Variants in GNAS-AS1 observed in about 807,000 individuals in gnomAD.
GNAS-AS1 encodes the protein GNAS antisense RNA 1 (non-protein coding).
Position 58,841,655 on chromosome 20 carries a change from A to C in GNAS-AS1, n.819+282T>G. 7.2e-6 allele frequency: 8 copies of C among 1,109,210 alleles called. No individual in the cohort carries two copies. Among genetic ancestry groups the C allele is most frequent in the African/African-American group, 1.6e-5 (1 of 61,524 alleles). 68.7% of individuals were successfully genotyped at this position (1,109,210 alleles called of 1,614,324 possible). ...TGACCTCTCCCGGCGGCGGGCGGTTAGGGGAAAGTACCTGGGGGAAAGGTA... is the reference window on the plus strand; with the variant it reads ...TGACCTCTCCCGGCGGCGGGCGGTTCGGGGAAAGTACCTGGGGGAAAGGTA... On this transcript the variant is annotated intron_variant and non_coding_transcript_variant, in intron 4 of 4. Coordinates refer to ENST00000424094, the Ensembl canonical transcript of GNAS-AS1. The surrounding 1 kb of genome is among the most constrained non-coding windows in gnomAD (Gnocchi z 5.0).
At chr20:58,850,103 G>T (rs1211983669) in intron 1 of GNAS-AS1, among the ~76,000 whole-genome samples, 1 of 152,174 alleles carries the variant, frequency 6.6e-6, no homozygotes, top group African/African-American at 2.4e-5. Flanking sequence ...TCCTTTGTTC[G>T]TGGTGGGCAA....
Position 58,840,590 on chromosome 20 carries a change from C to CG in GNAS-AS1, n.819+1346dup. ...CACCTTCGGCCAGTCCCTCACCCAG[C>CG]GTCTGCACGCTCTCAAGTTGCGAAG... On this transcript the variant is annotated intron_variant and non_coding_transcript_variant, in intron 4 of 4. Transcript: ENST00000424094. This position sits in a 1 kb window ranked among gnomAD's most constrained non-coding sequence, Gnocchi z 6.0. The CG allele has an allele frequency of 6.2e-7, 1 of 1,611,020 alleles. No homozygotes were observed.
chr20:58,832,431 G>A (rs1238405127), intron 4 of GNAS-AS1, among the ~76,000 whole-genome samples: 1 of 152,046 alleles, frequency 6.6e-6, no homozygotes, highest in Non-Finnish European at 1.5e-5. Context: ...TATCACCAAG[G>A]TCATTTATAA....
chr20:58,834,816 C>T (rs548503030), intron 4 of GNAS-AS1: 3 of 152,196 alleles, frequency 2.0e-5, no homozygotes, highest in Non-Finnish European at 4.4e-5. Flanking sequence ...TCTGATCCTA[C>T]GCCCTTTAAA....
rs575933995 is a variant in GNAS-AS1 at position 58,840,433 on chromosome 20, C to T, written n.819+1504G>A. 1.9e-6 allele frequency: 3 copies of T among 1,613,354 alleles called. No homozygotes were observed. Among genetic ancestry groups the T allele is most frequent in the Admixed American group, 3.3e-5 (2 of 60,024 alleles). ...TAGAGTACGAGGAAGAGTTCGACTA[C>T]GAGACCGAGAGCGAGACCGAGTCCG... On this transcript the variant is annotated intron_variant and non_coding_transcript_variant, in intron 4 of 4. Coordinates refer to ENST00000424094, the Ensembl canonical transcript of GNAS-AS1. The surrounding 1 kb of genome is among the most constrained non-coding windows in gnomAD (Gnocchi z 6.0).
At chr20:58,839,565 C>T (rs2085646716) in intron 4 of GNAS-AS1, 2 of 403,968 alleles carry the variant, frequency 5.0e-6, no homozygotes, top group Non-Finnish European at 8.7e-6. Flanking sequence ...CCCATCGCTT[C>T]GCCCAAATCC....
chr20:58,847,575 T>C (rs1568916346), intron 2 of GNAS-AS1, among the ~76,000 whole-genome samples: 1 of 152,270 alleles, frequency 6.6e-6, no homozygotes, highest in African/African-American at 2.4e-5. Context: ...TTTCTGCTTT[T>C]ACTTTTTCCT....
At chr20:58,819,104 A>C (rs2085468480) in exon 5 of GNAS-AS1, 2 of 398,642 alleles carry the variant, frequency 5.0e-6, no homozygotes, top group East Asian at 7.1e-5. Flanking sequence ...TTGCTTATCA[A>C]ACCTTTCTTT....
intron 2 of GNAS-AS1, among the ~76,000 whole-genome samples, chr20:58,847,500 A>G (rs2145514057): frequency 6.6e-6 from 1 of 152,382 alleles, no homozygotes. Flanking sequence ...CTCAGCACTC[A>G]GAAAACATTT....
intron 4 of GNAS-AS1, among the ~76,000 whole-genome samples, chr20:58,823,785 G>A (rs531325963): frequency 2.0e-5 from 3 of 152,342 alleles, no homozygotes; most frequent in South Asian, 2.1e-4. Context: ...CTTGGGAGTC[G>A]TGAAAGGGGG....
intron 4 of GNAS-AS1, chr20:58,836,640 T>C (rs2085605192): frequency 6.6e-6 from 1 of 152,234 alleles, no homozygotes; most frequent in Non-Finnish European, 1.5e-5. Context: ...ATCACCCACT[T>C]GCTCCTTTTT....
At chr20:58,827,474 A>G (rs1299200916) in intron 4 of GNAS-AS1, among the ~76,000 whole-genome samples, 1 of 152,236 alleles carries the variant, frequency 6.6e-6, no homozygotes, top group Non-Finnish European at 1.5e-5. Flanking sequence ...CCACTGCTTG[A>G]TATCATCTCC....
chr20:58,841,252 C>T lies in GNAS-AS1; in HGVS notation n.819+685G>A, dbSNP rs1466149775. ...TCACTTGTTTTGCGCGCTTTTCTTC[C>T]TCCTAGAAAGACTAGTCTCAAATAA... On this transcript the variant is annotated intron_variant and non_coding_transcript_variant, in intron 4 of 4. Coordinates refer to ENST00000424094, the Ensembl canonical transcript of GNAS-AS1. This position sits in a 1 kb window ranked among gnomAD's most constrained non-coding sequence, Gnocchi z 5.0. The T allele has an allele frequency of 2.1e-6, 2 of 970,300 alleles. No homozygotes were observed. The highest frequency in any genetic ancestry group is 1.3e-6 in the Non-Finnish European group (1 of 777,604). 60.1% of individuals were successfully genotyped at this position (970,300 alleles called of 1,614,324 possible).
intron 4 of GNAS-AS1, among the ~76,000 whole-genome samples, chr20:58,823,494 A>G (rs1179123151): frequency 2.0e-5 from 3 of 152,132 alleles, no homozygotes; most frequent in Non-Finnish European, 1.5e-5. Flanking sequence ...ACGTGCCTGG[A>G]GCATGCGGTG....
chr20:58,840,370 C>G lies in GNAS-AS1; in HGVS notation n.819+1567G>C, dbSNP rs951583745. The G allele has an allele frequency of 6.2e-7, 1 of 1,613,336 alleles. No homozygotes were observed. The highest frequency in any genetic ancestry group is 1.3e-5 in the African/African-American group (1 of 75,016). On this transcript the variant is annotated intron_variant and non_coding_transcript_variant, in intron 4 of 4. Coordinates refer to ENST00000424094, the Ensembl canonical transcript of GNAS-AS1. The surrounding 1 kb of genome is among the most constrained non-coding windows in gnomAD (Gnocchi z 6.0). ...CCGAATCGGAATCTGACCACGAGCA[C>G]GAGGAGGCAGACCTTGAGCTGTCCC...
At chr20:58,829,240 C>G (rs971083472) in intron 4 of GNAS-AS1, among the ~76,000 whole-genome samples, 3 of 152,244 alleles carry the variant, frequency 2.0e-5, no homozygotes, top group African/African-American at 7.2e-5. Flanking sequence ...GTAAGACACT[C>G]TCCTAAATAA....
chr20:58,823,983 G>A, intron 4 of GNAS-AS1: 2 of 398,702 alleles, frequency 5.0e-6, no homozygotes, highest in Admixed American at 8.8e-5. Context: ...CACCTATGCA[G>A]CGAGGAAATC....
At chr20:58,834,823 T>G (rs1327395304) in intron 4 of GNAS-AS1, among the ~76,000 whole-genome samples, 1 of 152,130 alleles carries the variant, frequency 6.6e-6, no homozygotes, top group East Asian at 1.9e-4. Context: ...CTACGCCCTT[T>G]AAAAACGAAT....
At chr20:58,831,493 G>A (rs2085568398) in intron 4 of GNAS-AS1, among the ~76,000 whole-genome samples, 1 of 152,144 alleles carries the variant, frequency 6.6e-6, no homozygotes, top group South Asian at 2.1e-4. Context: ...TGGCTAACAT[G>A]GTGAAACCTC....
Sources: gnomAD v4.1 joint callset for allele counts (sites outside exome capture counted in the v4.1 genomes callset) on GRCh38, gnomAD v4.1.1 for gene constraint, Gnocchi (gnomAD v3.1) non-coding constraint, MANE v1.5 for transcripts, NCBI Gene and HGNC (gene_info 2026-07-23, HGNC 2026-07-21) for gene names.